Variants in SMIM14 observed in about 807,000 individuals in gnomAD.
The protein encoded by SMIM14 is small integral membrane protein 14, also known as chromosome 4 open reading frame 34.
In SMIM14, 5 loss-of-function variants were observed where a neutral mutation model predicts 12.6. The ratio of observed to expected loss-of-function variants is 0.40; its 90% CI spans 0.21 to 0.83. The LOEUF is 0.83. SMIM14 is among the 40% of genes least tolerant of loss of function. The pLI, the probability that SMIM14 is intolerant of heterozygous loss-of-function variation, is 0.37. For missense variants in SMIM14, 86 were observed against 119.1 expected, an observed-to-expected ratio of 0.72 and a Z score of 1.29; for synonymous variants, 30 against 40.1, an observed-to-expected ratio of 0.75 and a Z score of 0.95.
At position 39,597,115 on chromosome 4, in the gene SMIM14, T is replaced by C. The variant is rs188565646; in HGVS notation, c.75+7956A>G. Reference sequence around the variant, plus strand: ...TTTTTTTTTTTTTTTTTAGCCTACTTCTTCTATCATTCTAAGGTTCCCCAG... The same window carrying C: ...TTTTTTTTTTTTTTTTTAGCCTACTCCTTCTATCATTCTAAGGTTCCCCAG... On this transcript the variant is annotated intron_variant, in intron 2 of 4. Coordinates refer to ENST00000295958, the MANE Select transcript of SMIM14 (RefSeq NM_174921.3). Among the ~76,000 whole-genome samples, 1,288 of 147,428 alleles carry C rather than the reference T, an allele frequency of 8.7e-3. 15 individuals carry two copies. The highest frequency in any genetic ancestry group is 0.015 in the South Asian group (69 of 4,566).
intron 1 of SMIM14, among the ~76,000 whole-genome samples, chr4:39,606,703 G>A (rs1449182729): frequency 3.3e-5 from 5 of 151,190 alleles, no homozygotes; most frequent in East Asian, 3.9e-4. Context: ...CCTGAGAGAC[G>A]GAAAAACAAA....
At chr4:39,582,716 T>C (rs1043609208) in intron 2 of SMIM14, among the ~76,000 whole-genome samples, 8 of 152,088 alleles carry the variant, frequency 5.3e-5, no homozygotes, top group African/African-American at 1.9e-4. Context: ...ATATTCCAGT[T>C]GTACTGGTCC....
At chr4:39,631,290 C>T (rs1185803612) in intron 1 of SMIM14, among the ~76,000 whole-genome samples, 13 of 150,774 alleles carry the variant, frequency 8.6e-5, no homozygotes, top group Non-Finnish European at 1.5e-4. Flanking sequence ...TGAGATCGTG[C>T]CACTGCACTC....
chr4:39,636,398 C>T (rs560534277), intron 1 of SMIM14, among the ~76,000 whole-genome samples: 1 of 152,140 alleles, frequency 6.6e-6, no homozygotes, highest in African/African-American at 2.4e-5. Context: ...CAAGTGAGGT[C>T]TTACTTTGCC....
At chr4:39,621,762 G>A (rs925904080) in intron 1 of SMIM14, among the ~76,000 whole-genome samples, 2 of 135,958 alleles carry the variant, frequency 1.5e-5, no homozygotes, top group East Asian at 4.5e-4. Context: ...GAGCAATCAT[G>A]ACTCACTGCA....
At chr4:39,587,380 C>T (rs987925947) in intron 2 of SMIM14, among the ~76,000 whole-genome samples, 1 of 150,754 alleles carries the variant, frequency 6.6e-6, no homozygotes, top group Non-Finnish European at 1.5e-5. Flanking sequence ...GCCTGTAGTC[C>T]CAGCTACTCG....
rs749709103 is a variant in SMIM14 at position 39,634,076 on chromosome 4, G to A, written c.-36+4663C>T. 2.0e-5 allele frequency among the ~76,000 whole-genome samples: 3 copies of A among 152,242 alleles called. 1 individual carries two copies. Among genetic ancestry groups the A allele is most frequent in the African/African-American group, 7.2e-5 (3 of 41,554 alleles). On this transcript the variant is annotated intron_variant, in intron 1 of 4. Transcript: ENST00000295958. ...CCCAAGTAGCTGGGATTACAGGCGC[G>A]CATGACCACACCCAGCTAATTTTTG...
rs1423136540 is a variant in SMIM14 at position 39,547,155 on chromosome 4, A to ACTT, written c.*4968_*4970dup. ...ATATTTTATGAATATTTTTCTCACA[A>ACTT]CTTTTCTTAAAACTTAAGTTCTCTC... On this transcript the variant is annotated 3_prime_UTR_variant, in exon 5 of 5. Coordinates refer to ENST00000295958, the MANE Select transcript of SMIM14 (RefSeq NM_174921.3). The ACTT allele has an allele frequency of 1.3e-5, 2 of 152,196 alleles. No homozygotes were observed. Among genetic ancestry groups the ACTT allele is most frequent in the Non-Finnish European group, 2.9e-5 (2 of 68,022 alleles). The allele number at this position is 152,196 out of a possible 1,614,324, so 9.4% of individuals were successfully genotyped here. A position where few individuals can be genotyped will look rare whatever the true frequency, so the allele number is the denominator to read the frequency against.
intron 2 of SMIM14, among the ~76,000 whole-genome samples, chr4:39,581,808 A>G (rs113658816): frequency 0.15 from 21,989 of 151,004 alleles, 2,076 homozygotes; most frequent in South Asian, 0.32. Context: ...AGGAATCCAC[A>G]CACCTGGGCC....
chr4:39,589,109 C>A (rs1283321033), intron 2 of SMIM14, among the ~76,000 whole-genome samples: 1 of 152,106 alleles, frequency 6.6e-6, no homozygotes, highest in Non-Finnish European at 1.5e-5. Flanking sequence ...TTTCTTCAGA[C>A]AGAGTCTCGC....
intron 1 of SMIM14, among the ~76,000 whole-genome samples, chr4:39,623,926 C>T (rs750328497): frequency 8.6e-5 from 13 of 151,912 alleles, no homozygotes; most frequent in Non-Finnish European, 1.3e-4. Context: ...AGAATGTATG[C>T]AATTATTCAT....
chr4:39,633,989 T>C (rs1439265247), intron 1 of SMIM14, among the ~76,000 whole-genome samples: 2 of 152,220 alleles, frequency 1.3e-5, no homozygotes, highest in Non-Finnish European at 2.9e-5. Flanking sequence ...TGGAGTGCAG[T>C]GGCACAATGG....
At chr4:39,613,831 G>A (rs146555321) in intron 1 of SMIM14, among the ~76,000 whole-genome samples, 4 of 152,226 alleles carry the variant, frequency 2.6e-5, no homozygotes, top group African/African-American at 9.6e-5. Context: ...TTCAAGACTT[G>A]TTTCTCAAAA....
chr4:39,567,864 C>T (rs535412480), intron 3 of SMIM14, among the ~76,000 whole-genome samples: 1 of 152,266 alleles, frequency 6.6e-6, no homozygotes, highest in Non-Finnish European at 1.5e-5. Context: ...CTGTTTGCTC[C>T]ACTGCACTCA....
chr4:39,563,951 C>T (rs949056259), intron 3 of SMIM14, among the ~76,000 whole-genome samples: 7 of 151,754 alleles, frequency 4.6e-5, no homozygotes, highest in South Asian at 2.1e-4. Flanking sequence ...TATTTTGAGA[C>T]GGAGTCTTGC....
intron 2 of SMIM14, among the ~76,000 whole-genome samples, chr4:39,579,892 G>T (rs1713410780): frequency 1.3e-5 from 2 of 151,392 alleles, no homozygotes; most frequent in African/African-American, 4.8e-5. Flanking sequence ...GGCTTAGGGG[G>T]AAATGTAGAT....
At chr4:39,576,685 T>TATATATATATATA (rs1491465219) in intron 2 of SMIM14, among the ~76,000 whole-genome samples, 54 of 4,630 alleles carry the variant, frequency 0.012, 2 homozygotes, top group Middle Eastern at 0.083. Flanking sequence ...TATATATATA[T>TATATATATATATA]TTTTTTTTTT....
intron 1 of SMIM14, among the ~76,000 whole-genome samples, chr4:39,619,991 G>C (rs541392117): frequency 5.1e-4 from 77 of 150,110 alleles, no homozygotes; most frequent in African/African-American, 1.9e-3. Context: ...ATCATCCCAT[G>C]TCAGCCTCCT....
intron 4 of SMIM14, among the ~76,000 whole-genome samples, chr4:39,554,556 T>C (rs867191880): frequency 5.3e-5 from 8 of 149,972 alleles, no homozygotes; most frequent in African/African-American, 1.5e-4. Context: ...TGCAGTGAGC[T>C]GAGATTGTAC....
Sources: gnomAD v4.1 joint callset for allele counts (sites outside exome capture counted in the v4.1 genomes callset) on GRCh38, gnomAD v4.1.1 for gene constraint, MANE v1.5 for transcripts, NCBI Gene and HGNC (gene_info 2026-07-23, HGNC 2026-07-21) for gene names.